AGTRAP: variants seen among roughly 807,000 people sequenced by gnomAD.
AGTRAP encodes angiotensin II receptor associated protein.
A neutral mutation model predicts 15.2 loss-of-function variants in AGTRAP; 7 were observed. That is an observed-to-expected ratio of 0.46 (90% CI 0.26 to 0.87). The LOEUF (loss-of-function observed/expected upper bound fraction) is 0.87. Among genes scored for constraint, AGTRAP ranks in the 40% least tolerant of loss-of-function variants. The pLI is 0.15. For missense variants in AGTRAP, 187 were observed against 213.4 expected (o/e 0.88, Z 0.77); for synonymous variants, 74 against 89.6 (o/e 0.83, Z 0.98).
intron 1 of AGTRAP, among the ~76,000 whole-genome samples, chr1:11,740,397 TC>T (rs1237722482): frequency 1.3e-5 from 2 of 152,222 alleles, no homozygotes; most frequent in African/African-American, 2.4e-5. Context: ...ACGTTTCTTT[TC>T]CCAGGGGCTT....
Position 11,750,603 on chromosome 1 carries a change from C to G in AGTRAP, c.*411C>G, listed in dbSNP as rs1033432173. The G allele has an allele frequency of 6.9e-6, 3 of 433,902 alleles. No individual in the cohort carries two copies. The highest frequency in any genetic ancestry group is 4.1e-5 in the East Asian group (1 of 24,190). 26.9% of individuals were successfully genotyped at this position (433,902 alleles called of 1,614,324 possible). A position where few individuals can be genotyped will look rare whatever the true frequency, so the allele number is the denominator to read the frequency against. Reference sequence around the variant, plus strand: ...TGAGAGCTTCAGGTCCTGCTCAGCCCGAGGAGCAGTCTGGCATGGGAGTGA... The same window carrying G: ...TGAGAGCTTCAGGTCCTGCTCAGCCGGAGGAGCAGTCTGGCATGGGAGTGA... On this transcript the variant is annotated 3_prime_UTR_variant, in exon 5 of 5. Coordinates refer to ENST00000314340, the MANE Select transcript of AGTRAP (RefSeq NM_020350.5).
intron 4 of AGTRAP, among the ~76,000 whole-genome samples, chr1:11,748,979 G>A (rs922407497): frequency 1.9e-4 from 29 of 152,304 alleles, no homozygotes; most frequent in African/African-American, 6.0e-4. Context: ...TGTTCTCACC[G>A]GGGCCCATCA....
At position 11,744,311 on chromosome 1, in the gene AGTRAP, T is replaced by C. The variant is rs543013499; in HGVS notation, c.28-1492T>C. On this transcript the variant is annotated intron_variant, in intron 1 of 4. Transcript: ENST00000314340. Reference sequence around the variant, plus strand: ...AGAAAAAAGTAGAATATTGCAGAAATCCAGAAAAATAGCCAGGGGGATTTT... The same window carrying C: ...AGAAAAAAGTAGAATATTGCAGAAACCCAGAAAAATAGCCAGGGGGATTTT... 4.6e-5 allele frequency among the ~76,000 whole-genome samples: 7 copies of C among 152,166 alleles called. No homozygotes were observed. The East Asian group carries it at 1.4e-3, about 29-fold the overall frequency.
chr1:11,748,978 C>T (rs553567979), intron 4 of AGTRAP, among the ~76,000 whole-genome samples: 9 of 152,338 alleles, frequency 5.9e-5, no homozygotes, highest in East Asian at 3.9e-4. Context: ...CTGTTCTCAC[C>T]GGGGCCCATC....
rs17875956 is a variant in AGTRAP at position 11,749,510 on chromosome 1, C to T, written c.365-567C>T. On this transcript the variant is annotated intron_variant, in intron 4 of 4. Coordinates refer to ENST00000314340, the MANE Select transcript of AGTRAP (RefSeq NM_020350.5). ...ATCCTTTGGGACTTGTTCAGGGTCCCGGGATGAATGTACAGAGTAGGGGAT... is the reference window on the plus strand; with the variant it reads ...ATCCTTTGGGACTTGTTCAGGGTCCTGGGATGAATGTACAGAGTAGGGGAT... Among the ~76,000 whole-genome samples the T allele has an allele frequency of 2.3e-4, 35 of 152,304 alleles. 1 individual carries two copies. Among genetic ancestry groups the T allele is most frequent in the Admixed American group, 1.4e-3 (21 of 15,300 alleles).
rs1175767727 is a variant in AGTRAP at position 11,750,511 on chromosome 1, A to C, written c.*319A>C. ...AGTCCTGCCTGAGTGTTGCAAGCTCAGGCCTTTAAGGACTGCTGATGCCCC... is the reference window on the plus strand; with the variant it reads ...AGTCCTGCCTGAGTGTTGCAAGCTCCGGCCTTTAAGGACTGCTGATGCCCC... On this transcript the variant is annotated 3_prime_UTR_variant, in exon 5 of 5. Coordinates refer to ENST00000314340, the MANE Select transcript of AGTRAP (RefSeq NM_020350.5). 1 of 577,688 alleles carries C rather than the reference A, an allele frequency of 1.7e-6. No individual in the cohort carries two copies. Among genetic ancestry groups the C allele is most frequent in the Non-Finnish European group, 3.1e-6 (1 of 324,394 alleles). The allele number at this position is 577,688 out of a possible 1,614,324, so 35.8% of individuals were successfully genotyped here. A position where few individuals can be genotyped will look rare whatever the true frequency, so the allele number is the denominator to read the frequency against.
At chr1:11,741,803 A>G (rs1307871105) in intron 1 of AGTRAP, among the ~76,000 whole-genome samples, 1 of 152,242 alleles carries the variant, frequency 6.6e-6, no homozygotes, top group Non-Finnish European at 1.5e-5. Context: ...GGAAGCGCTC[A>G]ATAGTAGACG....
At chr1:11,740,807 C>A (rs1642012435) in intron 1 of AGTRAP, among the ~76,000 whole-genome samples, 1 of 152,226 alleles carries the variant, frequency 6.6e-6, no homozygotes, top group Admixed American at 6.5e-5. Context: ...CAAAACAAGC[C>A]CAGAGTGGGA....
intron 1 of AGTRAP, among the ~76,000 whole-genome samples, chr1:11,739,775 G>A (rs1032912193): frequency 6.6e-6 from 1 of 152,220 alleles, no homozygotes; most frequent in Non-Finnish European, 1.5e-5. Flanking sequence ...CGTTGATGAT[G>A]CAGGATCCCT....
At chr1:11,742,040 G>A (rs1230460898) in intron 1 of AGTRAP, among the ~76,000 whole-genome samples, 1 of 152,232 alleles carries the variant, frequency 6.6e-6, no homozygotes, top group Non-Finnish European at 1.5e-5. Context: ...AAGTATCTCA[G>A]CCACCAGCTC....
chr1:11,745,581 G>A lies in AGTRAP; in HGVS notation c.28-222G>A, dbSNP rs1191126982. Among the ~76,000 whole-genome samples, 1 of 152,166 alleles carries A rather than the reference G, an allele frequency of 6.6e-6. No homozygotes were observed. The highest frequency in any genetic ancestry group is 6.5e-5 in the Admixed American group (1 of 15,280). ...TGGGTGTCAGCTGCCCCATGGGAGGGGTGAAGGCATGAAGCGGCCCCTCCC... is the reference window on the plus strand; with the variant it reads ...TGGGTGTCAGCTGCCCCATGGGAGGAGTGAAGGCATGAAGCGGCCCCTCCC... On this transcript the variant is annotated intron_variant, in intron 1 of 4. Transcript: ENST00000314340. This position sits in a 1 kb window ranked among gnomAD's most constrained non-coding sequence, Gnocchi z 4.2.
intron 2 of AGTRAP, among the ~76,000 whole-genome samples, chr1:11,746,894 C>T (rs555340758): frequency 3.9e-5 from 6 of 152,256 alleles, no homozygotes; most frequent in East Asian, 3.9e-4. Flanking sequence ...AGGAAAGTGA[C>T]GAACTTGTAC....
At chr1:11,737,806 C>G (rs923126125) in intron 1 of AGTRAP, among the ~76,000 whole-genome samples, 2 of 152,056 alleles carry the variant, frequency 1.3e-5, no homozygotes, top group African/African-American at 4.8e-5. Context: ...TGCTGGCTTT[C>G]GGTACCCAGG....
chr1:11,742,889 C>G (rs534190372), intron 1 of AGTRAP, among the ~76,000 whole-genome samples: 1 of 152,336 alleles, frequency 6.6e-6, no homozygotes, highest in Admixed American at 6.5e-5. Context: ...GGCCAGAAAC[C>G]CCGGCCTTCT....
In AGTRAP at chr1:11,745,476, G is replaced by A. The variant is rs1366373669; in HGVS notation, c.28-327G>A. On this transcript the variant is annotated intron_variant, in intron 1 of 4. Coordinates refer to ENST00000314340, the MANE Select transcript of AGTRAP (RefSeq NM_020350.5). The surrounding 1 kb of genome is among the most constrained non-coding windows in gnomAD (Gnocchi z 4.2). ...AACCATCTGGGAATGCAGCCCACTA[G>A]GTTTCAGCCTTATTTTACCCAGCTC... 6.6e-6 allele frequency among the ~76,000 whole-genome samples: 1 copy of A among 152,188 alleles called. No homozygotes were observed. Among genetic ancestry groups the A allele is most frequent in the East Asian group, 1.9e-4 (1 of 5,194 alleles).
intron 1 of AGTRAP, among the ~76,000 whole-genome samples, chr1:11,743,931 G>A: frequency 6.6e-6 from 1 of 152,100 alleles, no homozygotes; most frequent in African/African-American, 2.4e-5. Flanking sequence ...GTAGAGACCA[G>A]TTCCAGGAGA....
At chr1:11,744,967 G>C (rs1212927639) in intron 1 of AGTRAP, among the ~76,000 whole-genome samples, 1 of 151,292 alleles carries the variant, frequency 6.6e-6, no homozygotes, top group African/African-American at 2.4e-5. Context: ...CAATTCTCCT[G>C]TCTCAGCCTC....
intron 4 of AGTRAP, among the ~76,000 whole-genome samples, chr1:11,749,362 T>A (rs922548368): frequency 6.6e-6 from 1 of 152,088 alleles, no homozygotes; most frequent in Non-Finnish European, 1.5e-5. Flanking sequence ...CACCAGCTGG[T>A]TGAGGGTGGG....
chr1:11,749,100 C>T (rs1385793108), intron 4 of AGTRAP, among the ~76,000 whole-genome samples: 4 of 152,046 alleles, frequency 2.6e-5, no homozygotes, highest in Non-Finnish European at 5.9e-5. Flanking sequence ...TCAGTGAAGA[C>T]AGCCCTGAAC....
Sources: gnomAD v4.1 joint callset for allele counts (sites outside exome capture counted in the v4.1 genomes callset) on GRCh38, gnomAD v4.1.1 for gene constraint, Gnocchi (gnomAD v3.1) non-coding constraint, MANE v1.5 for transcripts, NCBI Gene and HGNC (gene_info 2026-07-23, HGNC 2026-07-21) for gene names.